The following CCT7 variants were observed in gnomAD, a reference collection of about 807,000 sequenced individuals.
CCT7 encodes T-complex protein 1 subunit eta.
A neutral mutation model predicts 56.6 loss-of-function variants in CCT7; 16 were observed. That is an observed-to-expected ratio of 0.28 (90% CI 0.19 to 0.43). The LOEUF (loss-of-function observed/expected upper bound fraction) is 0.43, where lower values mean the gene tolerates loss of function less well. Among genes scored for constraint, CCT7 ranks in the 20% least tolerant of loss-of-function variants. The pLI is 1.00. For missense variants in CCT7, 519 were observed against 685.6 expected (o/e 0.76, Z 2.71); for synonymous variants, 262 against 254.8 (o/e 1.03, Z -0.27).
intron 9 of CCT7, 27 bp from the exon 10 acceptor site, chr2:73,250,279 G>A: frequency 1.2e-6 from 2 of 1,613,828 alleles, no homozygotes; most frequent in African/African-American, 1.3e-5. Context: ...AAGAGTTCAT[G>A]TGTGTACTGT....
intron 6 of CCT7, among the ~76,000 whole-genome samples, chr2:73,245,099 C>G (rs577333519): frequency 1.3e-5 from 2 of 152,278 alleles, no homozygotes; most frequent in Admixed American, 1.3e-4. Flanking sequence ...TTCTTTCATT[C>G]ATTTATCTTG....
Position 73,245,099 on chromosome 2 carries a change from CATTT to C in CCT7, c.618+387_618+390del, listed in dbSNP as rs1342141369. On this transcript the variant is annotated intron_variant, in intron 6 of 11. Transcript: ENST00000258091. ...CTGTTAAGCTTGCCCTTCTTTCATT[CATTT>C]ATCTTGAATAGATGATACATATTTC... is the stretch of plus-strand genomic sequence containing the variant. Among the ~76,000 whole-genome samples, 9 of 152,278 alleles carry C rather than the reference CATTT, an allele frequency of 5.9e-5. No individual in the cohort carries two copies. In the South Asian group the frequency reaches 1.7e-3, roughly 28 times the overall value.
intron 1 of CCT7, chr2:73,235,616 A>C (rs1686845662): frequency 1.0e-6 from 1 of 965,038 alleles, no homozygotes; most frequent in South Asian, 4.9e-5. Flanking sequence ...AGTTGAGAGT[A>C]AGGCCTCTGG....
chr2:73,236,784 A>G (rs543839460), intron 1 of CCT7, among the ~76,000 whole-genome samples: 2 of 152,296 alleles, frequency 1.3e-5, no homozygotes, highest in East Asian at 1.9e-4. Context: ...GACTCAATCC[A>G]GCTCTGCCAC....
intron 11 of CCT7, among the ~76,000 whole-genome samples, chr2:73,251,740 C>T (rs1054077711): frequency 5.9e-5 from 9 of 152,178 alleles, no homozygotes; most frequent in Admixed American, 2.0e-4. Context: ...GAGTTCGAGA[C>T]CAGCCTGGCC....
chr2:73,234,675 T>A (rs2103748884), intron 1 of CCT7, among the ~76,000 whole-genome samples: 1 of 152,302 alleles, frequency 6.6e-6, no homozygotes, highest in South Asian at 2.1e-4. Context: ...GGGGACCTCT[T>A]TTTTAGCCCC....
intron 3 of CCT7, 30 bp downstream of exon 3, chr2:73,240,573 G>A: frequency 7.1e-7 from 1 of 1,403,836 alleles, no homozygotes; most frequent in Non-Finnish European, 9.9e-7. Context: ...TTTAAATGGA[G>A]GTTGAAACAC....
At chr2:73,248,939 A>T in intron 7 of CCT7, 52 bp from the exon 8 acceptor site, 1 of 1,474,590 alleles carries the variant, frequency 6.8e-7, no homozygotes, top group Admixed American at 1.7e-5. Context: ...ACCCTACCGT[A>T]TATGTCAACC....
rs1307202294 is a variant in CCT7, at chr2:73,235,457, GTGTTCTACCAAA to G, written c.6+1076_6+1087del. 3 of 605,114 alleles carry G rather than the reference GTGTTCTACCAAA, an allele frequency of 5.0e-6. No individual in the cohort carries two copies. The African/African-American group carries it at 6.1e-5, about 12-fold the overall frequency. 37.5% of individuals were successfully genotyped at this position (605,114 alleles called of 1,614,324 possible). On this transcript the variant is annotated intron_variant, in intron 1 of 11. Transcript: ENST00000258091. The stretch of plus-strand genomic sequence containing the variant: ...TGTTAGGGACGCAGACACCTTTTAG[GTGTTCTACCAAA>G]TGCCCTATGAATCCCGCTTGTACCC...
chr2:73,242,304 G>A (rs984866493), intron 3 of CCT7, among the ~76,000 whole-genome samples: 1 of 152,036 alleles, frequency 6.6e-6, no homozygotes, highest in Non-Finnish European at 1.5e-5. Context: ...TCTTGAGACG[G>A]AGTCTCACTC....
In CCT7 at chr2:73,250,296, C is replaced by G. The variant is rs1208036533; in HGVS notation, c.1071-10C>G. ...GAGTTCATGTGTGTACTGTTTAATC[C>G]TGGGCATAGGTACAATTTTTTTACT... On this transcript the variant is annotated splice_polypyrimidine_tract_variant and intron_variant, in intron 9 of 11. Transcript: ENST00000258091. 1 of 1,613,918 alleles carries G rather than the reference C, an allele frequency of 6.2e-7. No homozygotes were observed. Among genetic ancestry groups the G allele is most frequent in the Non-Finnish European group, 8.5e-7 (1 of 1,179,994 alleles).
Position 73,252,966 on chromosome 2 carries a change from CTT to C in CCT7, c.*106_*107del, listed in dbSNP as rs1458149551. ...GAAGGGGTAGTAATTGGCCCACTCTCTTCTTACTGGAGGCTATTTAAATAAAA... is the reference window on the plus strand; with the variant it reads ...GAAGGGGTAGTAATTGGCCCACTCTCCTTACTGGAGGCTATTTAAATAAAA... On this transcript the variant is annotated 3_prime_UTR_variant, in exon 12 of 12. Coordinates refer to ENST00000258091, the MANE Select transcript of CCT7 (RefSeq NM_006429.4). 5.6e-6 allele frequency: 4 copies of C among 709,650 alleles called. No individual in the cohort carries two copies. Among genetic ancestry groups the C allele is most frequent in the Non-Finnish European group, 9.5e-6 (4 of 421,020 alleles). The allele number at this position is 709,650 out of a possible 1,614,324, so 44.0% of individuals were successfully genotyped here. A position where few individuals can be genotyped will look rare whatever the true frequency, so the allele number is the denominator to read the frequency against.
At chr2:73,234,779 G>T (rs1686794958) in intron 1 of CCT7, among the ~76,000 whole-genome samples, 2 of 152,176 alleles carry the variant, frequency 1.3e-5, no homozygotes, top group African/African-American at 4.8e-5. Flanking sequence ...TGAGATTTGC[G>T]GGCTGTAAAG....
In CCT7 at chr2:73,252,669, C is replaced by T; in HGVS notation, c.1440C>T (p.Asn480=). 1 of 1,614,106 alleles carries T rather than the reference C, an allele frequency of 6.2e-7. No homozygotes were observed. Among genetic ancestry groups the T allele is most frequent in the Non-Finnish European group, 8.5e-7 (1 of 1,179,960 alleles). ...GTACATGGTATGGAGTAGACATCAA[C>T]AACGAGGACATTGCTGACAACTTTG... ...QGGTWYGVDI[N]NEDIADNFEA... The change falls in exon 12 of 12, where the codon AAC becomes AAT. Residue 480 remains asparagine (N), a synonymous_variant. Transcript: ENST00000258091.
At chr2:73,239,557 G>C in intron 1 of CCT7, 86 bp from the exon 2 acceptor site, 1 of 1,228,468 alleles carries the variant, frequency 8.1e-7, no homozygotes, top group South Asian at 1.4e-5. Flanking sequence ...TCTGTTAAGG[G>C]AGAGATGGGA....
intron 2 of CCT7, chr2:73,240,205 A>G (rs986502088): frequency 5.2e-6 from 2 of 382,208 alleles, no homozygotes; most frequent in African/African-American, 4.2e-5. Flanking sequence ...GTTGACCTGT[A>G]TTAATTGCTC....
At chr2:73,237,310 C>T (rs1686924034) in intron 1 of CCT7, among the ~76,000 whole-genome samples, 1 of 152,130 alleles carries the variant, frequency 6.6e-6, no homozygotes, top group Admixed American at 6.5e-5. Flanking sequence ...GATGGGGGTA[C>T]ACTTTGCAGG....
chr2:73,251,938 CAA>C (rs34402523), intron 11 of CCT7, among the ~76,000 whole-genome samples: 5 of 134,400 alleles, frequency 3.7e-5, no homozygotes, highest in African/African-American at 2.7e-5. Context: ...GACTCCATCT[CAA>C]AAAAAAAAAA....
chr2:73,241,033 CTT>C (rs35842378), intron 3 of CCT7, among the ~76,000 whole-genome samples: 44 of 127,386 alleles, frequency 3.5e-4, no homozygotes, highest in Middle Eastern at 4.5e-3. Flanking sequence ...CTACACCAGG[CTT>C]TTTTTTTTTT....
Sources: allele counts gnomAD v4.1 joint callset (sites outside exome capture counted in the v4.1 genomes callset), GRCh38; gene constraint gnomAD v4.1.1; transcripts MANE v1.5; gene names NCBI Gene and HGNC (gene_info 2026-07-23, HGNC 2026-07-21).